The following FBXW10B variants were observed in gnomAD, a reference collection of about 807,000 sequenced individuals.
The protein encoded by FBXW10B is F-box and WD repeat domain containing 10B.
the FBXW10B span, among the ~76,000 whole-genome samples, chr17:15,592,870 C>T: frequency 2.9e-3 from 439 of 152,194 alleles, 1 homozygote; most frequent in African/African-American, 9.6e-3. Context: ...TTTGGGAGGC[C>T]GTGACGGGTG....
the FBXW10B span, among the ~76,000 whole-genome samples, chr17:15,601,227 G>A: frequency 6.8e-6 from 1 of 147,292 alleles, no homozygotes; most frequent in Non-Finnish European, 1.5e-5. Context: ...GGCTAACACG[G>A]TGAAACCCCG....
the FBXW10B span, among the ~76,000 whole-genome samples, chr17:15,592,830 C>A: frequency 6.6e-6 from 1 of 152,188 alleles, no homozygotes; most frequent in East Asian, 1.9e-4. Flanking sequence ...ACAGGCCGGG[C>A]GCGGTGGCTC....
chr17:15,568,778 G>A, the FBXW10B span: 1 of 968,342 alleles, frequency 1.0e-6, no homozygotes, highest in African/African-American at 1.7e-5. Context: ...TCCAAAGTCA[G>A]GCACCTATAA....
the FBXW10B span, among the ~76,000 whole-genome samples, chr17:15,585,618 G>A: frequency 2.0e-5 from 3 of 152,224 alleles, no homozygotes; most frequent in African/African-American, 7.2e-5. Flanking sequence ...AAGGTTGCCC[G>A]TGTTTGATGA....
the FBXW10B span, among the ~76,000 whole-genome samples, chr17:15,596,196 C>G: frequency 3.3e-5 from 5 of 151,832 alleles, no homozygotes; most frequent in Non-Finnish European, 5.9e-5. Flanking sequence ...CTACAGAGTG[C>G]AATACTCTGG....
the FBXW10B span, chr17:15,596,632 T>C: frequency 6.2e-7 from 1 of 1,613,494 alleles, no homozygotes; most frequent in Non-Finnish European, 8.5e-7. Flanking sequence ...TCTAAACGTC[T>C]TCAGGCACTT....
At chr17:15,585,229 T>G in the FBXW10B span, among the ~76,000 whole-genome samples, 1 of 152,080 alleles carries the variant, frequency 6.6e-6, no homozygotes, top group Admixed American at 6.5e-5. Context: ...TAATCTTTCA[T>G]CTGGAAAATC....
At chr17:15,619,426 A>C in the FBXW10B span, 1 of 1,613,936 alleles carries the variant, frequency 6.2e-7, no homozygotes, top group Non-Finnish European at 8.5e-7. Context: ...CACGCGTCTC[A>C]CACTTCCGGC....
At chr17:15,565,530 G>T in the FBXW10B span, 12 of 1,612,320 alleles carry the variant, frequency 7.4e-6, no homozygotes, top group Non-Finnish European at 9.3e-6. Flanking sequence ...TCCCAAGGCT[G>T]GTTTAGATAA....
the FBXW10B span, among the ~76,000 whole-genome samples, chr17:15,616,396 C>T: frequency 5.9e-5 from 9 of 151,792 alleles, no homozygotes; most frequent in Admixed American, 5.9e-4. Context: ...TCTCGAACTC[C>T]TGACTCCAGG....
chr17:15,588,655 G>C, the FBXW10B span: 3 of 582,920 alleles, frequency 5.1e-6, no homozygotes, highest in African/African-American at 1.9e-5. Context: ...AAGAAGAGCA[G>C]CCAGAGCTCC....
At chr17:15,595,011 C>T in the FBXW10B span, 19 of 1,418,324 alleles carry the variant, frequency 1.3e-5, no homozygotes, top group East Asian at 7.1e-5. Flanking sequence ...GCCATTCACT[C>T]GGTAGGTACC....
At chr17:15,618,258 G>A in the FBXW10B span, among the ~76,000 whole-genome samples, 1 of 152,226 alleles carries the variant, frequency 6.6e-6, no homozygotes, top group East Asian at 1.9e-4. Flanking sequence ...AACCCAGCAG[G>A]TGGAGGTTTC....
chr17:15,596,129 G>A, the FBXW10B span, among the ~76,000 whole-genome samples: 3 of 152,002 alleles, frequency 2.0e-5, no homozygotes, highest in Non-Finnish European at 2.9e-5. Flanking sequence ...CTCATGATCC[G>A]CCTGCCTCAG....
At chr17:15,576,542 C>T in the FBXW10B span, among the ~76,000 whole-genome samples, 3 of 152,366 alleles carry the variant, frequency 2.0e-5, no homozygotes, top group Non-Finnish European at 4.4e-5. Context: ...CAGGCGGAGC[C>T]AGGACTGGGC....
chr17:15,606,806 C>T, the FBXW10B span, among the ~76,000 whole-genome samples: 1 of 152,028 alleles, frequency 6.6e-6, no homozygotes, highest in South Asian at 2.1e-4. Flanking sequence ...TTTGCCTTTC[C>T]CCTATCTTAT....
the FBXW10B span, among the ~76,000 whole-genome samples, chr17:15,602,624 G>GTTTTTT: frequency 1.3e-5 from 1 of 75,364 alleles, no homozygotes; most frequent in Non-Finnish European, 2.4e-5. Context: ...TTGAGACCGA[G>GTTTTTT]TTTTTTTTTT....
chr17:15,619,120 C>A, the FBXW10B span: 1 of 1,613,928 alleles, frequency 6.2e-7, no homozygotes, highest in Non-Finnish European at 8.5e-7. Flanking sequence ...TCGCCTTGGT[C>A]CACTGGGTGC....
At chr17:15,575,852 C>A in the FBXW10B span, among the ~76,000 whole-genome samples, 21 of 152,234 alleles carry the variant, frequency 1.4e-4, no homozygotes, top group South Asian at 1.9e-3. Flanking sequence ...GCAGCTTCCA[C>A]GGGACTTTAC....
Sources: gnomAD v4.1 joint callset for allele counts (sites outside exome capture counted in the v4.1 genomes callset) on GRCh38, gnomAD v4.1.1 for gene constraint, MANE v1.5 for transcripts, NCBI Gene and HGNC (gene_info 2026-07-23, HGNC 2026-07-21) for gene names.